CARMIL1: variants seen among roughly 807,000 people sequenced by gnomAD.
CARMIL1 encodes the protein F-actin-uncapping protein LRRC16A.
In CARMIL1, 90 loss-of-function variants were observed where a neutral mutation model predicts 177.1. That is an observed-to-expected ratio of 0.51 (90% confidence interval 0.43 to 0.61). The LOEUF is 0.61. Ranked by LOEUF, CARMIL1 falls within the 20% of genes least tolerant of loss-of-function variation. The pLI is 0.00. For missense variants in CARMIL1, 1,380 were observed against 1,667.0 expected, an observed-to-expected ratio of 0.83 and a Z score of 3.00; for synonymous variants, 577 against 606.2, an observed-to-expected ratio of 0.95 and a Z score of 0.71.
chr6:25,492,030 G>C lies in CARMIL1; in HGVS notation c.1220+6G>C. The C allele has an allele frequency of 6.2e-7, 1 of 1,610,550 alleles. No individual in the cohort carries two copies. Among genetic ancestry groups the C allele is most frequent in the South Asian group, 1.1e-5 (1 of 90,692 alleles). Reference sequence around the variant, plus strand: ...AGAACTGTCTTCTCTCACCGGTATAGATTTATTTCTGCTCTCATTGTCATC... The same window carrying C: ...AGAACTGTCTTCTCTCACCGGTATACATTTATTTCTGCTCTCATTGTCATC... On this transcript the variant is annotated splice_donor_region_variant and intron_variant, in intron 15 of 36. Transcript: ENST00000329474.
intron 2 of CARMIL1, among the ~76,000 whole-genome samples, chr6:25,365,505 GA>G (rs1292115588): frequency 1.3e-5 from 2 of 152,046 alleles, no homozygotes; most frequent in African/African-American, 2.4e-5. Flanking sequence ...GTATATTTAA[GA>G]AAAAAACTTC....
chr6:25,435,365 A>C, intron 4 of CARMIL1, 118 bp from the exon 5 acceptor site: 1 of 1,203,438 alleles, frequency 8.3e-7, no homozygotes, highest in African/African-American at 1.6e-5. Context: ...TAAAGAAAAA[A>C]AAAGCTAATA....
chr6:25,537,904 G>A lies in CARMIL1; in HGVS notation c.2117G>A (p.Arg706Gln), dbSNP rs1476173801. ...GTACAAGATCATCTCAACTCCTTAC[G>A]AAATTGTGGGGGAGACGCTATCCAG... is the stretch of plus-strand genomic sequence containing the variant. ...VKVQDHLNSLRNCGGDAIQED... is the reference protein window; with the variant it reads ...VKVQDHLNSLQNCGGDAIQED... The change falls in exon 25 of 37, where the codon CGA becomes CAA. Residue 706 changes from arginine to glutamine, a missense_variant. Transcript: ENST00000329474. 8.1e-6 allele frequency: 13 copies of A among 1,609,146 alleles called. No homozygotes were observed. The highest frequency in any genetic ancestry group is 2.2e-5 in the East Asian group (1 of 44,830).
chr6:25,286,478 A>G (rs534799740), intron 2 of CARMIL1, among the ~76,000 whole-genome samples: 101 of 152,362 alleles, frequency 6.6e-4, no homozygotes, highest in African/African-American at 2.3e-3. Context: ...GATTGGTGCC[A>G]TTGTTCTGTT....
chr6:25,477,660 T>C (rs1377218640), intron 11 of CARMIL1, among the ~76,000 whole-genome samples: 2 of 151,850 alleles, frequency 1.3e-5, no homozygotes, highest in African/African-American at 4.8e-5. Flanking sequence ...GAACAGAAAA[T>C]GTCAGAGTAC....
intron 2 of CARMIL1, among the ~76,000 whole-genome samples, chr6:25,291,020 C>T (rs1012353059): frequency 6.6e-6 from 1 of 152,038 alleles, no homozygotes; most frequent in Admixed American, 6.6e-5. Flanking sequence ...TTATTTTGCC[C>T]AGGCTGGTCT....
rs1783744943 is a variant in CARMIL1, at chr6:25,310,731, T to C, written c.138+25822T>C. On this transcript the variant is annotated intron_variant, in intron 2 of 36. Transcript: ENST00000329474. ...AGAACCTAGAAAGCTGAAGATCCTT[T>C]GAAAGCTTAAAGTTCTGTGATTTCT... 2.0e-5 allele frequency among the ~76,000 whole-genome samples: 3 copies of C among 152,186 alleles called. No individual in the cohort carries two copies. The South Asian group carries it at 6.2e-4, about 32-fold the overall frequency.
chr6:25,369,672 T>C (rs16890479), intron 2 of CARMIL1, among the ~76,000 whole-genome samples: 6,379 of 152,188 alleles, frequency 0.042, 391 homozygotes, highest in African/African-American at 0.14. Flanking sequence ...TCACCAGAAC[T>C]CTCGTAGGCT....
intron 10 of CARMIL1, 74 bp downstream of exon 10, chr6:25,471,331 G>GTTTTTTTT: frequency 1.3e-6 from 1 of 743,338 alleles, no homozygotes; most frequent in Non-Finnish European, 2.0e-6. Context: ...TTAATTCATA[G>GTTTTTTTT]TTTTTTTTTT....
chr6:25,361,379 C>A lies in CARMIL1; in HGVS notation c.139-58735C>A, dbSNP rs77710334. Among the ~76,000 whole-genome samples the A allele has an allele frequency of 3.4e-3, 511 of 151,906 alleles. 5 individuals are homozygous for A. The highest frequency in any genetic ancestry group is 0.012 in the African/African-American group (481 of 41,392). On this transcript the variant is annotated intron_variant, in intron 2 of 36. Coordinates refer to ENST00000329474, the MANE Select transcript of CARMIL1 (RefSeq NM_017640.6). The stretch of plus-strand genomic sequence containing the variant: ...TTCTAGGGGAAAGTCTTTACCTTTC[C>A]CCCCCTGCACACTCCTCCCACCCCA...
At chr6:25,455,091 T>A (rs1353075773) in intron 8 of CARMIL1, among the ~76,000 whole-genome samples, 1 of 152,194 alleles carries the variant, frequency 6.6e-6, no homozygotes, top group African/African-American at 2.4e-5. Flanking sequence ...ATGTTCCCTA[T>A]TTGAACATAT....
At position 25,554,130 on chromosome 6, in the gene CARMIL1, T is replaced by A. The variant is rs1810393782; in HGVS notation, c.2592+34T>A. 4 of 1,451,948 alleles carry A rather than the reference T, an allele frequency of 2.8e-6. No homozygotes were observed. In the South Asian group the frequency reaches 4.8e-5, roughly 18 times the overall value. The allele number at this position is 1,451,948 out of a possible 1,614,324, so 89.9% of individuals were successfully genotyped here. On this transcript the variant is annotated intron_variant, in intron 28 of 36. Transcript: ENST00000329474. The surrounding 1 kb of genome is among the most constrained non-coding windows in gnomAD (Gnocchi z 4.6). ...TGTGCACATCTTGAGCAGGACCTCC[T>A]GTTTCAGCTCTGCTGTGATGCAGGA...
At chr6:25,607,250 T>A (rs563830664) in intron 35 of CARMIL1, among the ~76,000 whole-genome samples, 1 of 151,890 alleles carries the variant, frequency 6.6e-6, no homozygotes, top group East Asian at 1.9e-4. Context: ...ATTATAAGAA[T>A]TTTCAAACAT....
chr6:25,359,643 G>C (rs1362710482), intron 2 of CARMIL1, among the ~76,000 whole-genome samples: 1 of 152,146 alleles, frequency 6.6e-6, no homozygotes. Flanking sequence ...TTTTTTTCCT[G>C]ATATTGGGAT....
At chr6:25,360,659 A>T (rs1789100335) in intron 2 of CARMIL1, among the ~76,000 whole-genome samples, 1 of 152,178 alleles carries the variant, frequency 6.6e-6, no homozygotes, top group African/African-American at 2.4e-5. Context: ...GCCCAAGAGG[A>T]GAGATTTGGC....
chr6:25,314,844 G>C (rs1784148874), intron 2 of CARMIL1, among the ~76,000 whole-genome samples: 1 of 152,152 alleles, frequency 6.6e-6, no homozygotes, highest in Non-Finnish European at 1.5e-5. Flanking sequence ...AGGTTTTGCT[G>C]TATATACTAA....
At chr6:25,595,807 C>T (rs907166790) in intron 32 of CARMIL1, among the ~76,000 whole-genome samples, 1 of 152,080 alleles carries the variant, frequency 6.6e-6, no homozygotes, top group African/African-American at 2.4e-5. Context: ...AATGGGAAAT[C>T]GCTGTTAATG....
intron 16 of CARMIL1, among the ~76,000 whole-genome samples, chr6:25,498,670 A>G (rs1315282674): frequency 1.3e-5 from 2 of 152,174 alleles, no homozygotes; most frequent in African/African-American, 4.8e-5. Flanking sequence ...GTAATATCCT[A>G]ACTCTCTCAT....
intron 24 of CARMIL1, among the ~76,000 whole-genome samples, chr6:25,529,900 C>T (rs1035909451): frequency 1.3e-5 from 2 of 151,728 alleles, no homozygotes; most frequent in African/African-American, 4.8e-5. Context: ...CTAAGCTGGT[C>T]CTCTGGAAGA....
Sources: allele counts gnomAD v4.1 joint callset (sites outside exome capture counted in the v4.1 genomes callset), GRCh38; gene constraint gnomAD v4.1.1; non-coding constraint Gnocchi (gnomAD v3.1); transcripts MANE v1.5; gene names NCBI Gene and HGNC (gene_info 2026-07-23, HGNC 2026-07-21).